IL1RAPL2: variants seen among roughly 807,000 people sequenced by gnomAD.
IL1RAPL2 encodes the protein X-linked interleukin-1 receptor accessory protein-like 2.
Under a neutral mutation model 44.1 loss-of-function variants are expected in IL1RAPL2, and 3 were observed. The ratio of observed to expected loss-of-function variants is 0.07; its 90% CI spans 0.03 to 0.18. IL1RAPL2 has a LOEUF of 0.18. Ranked by LOEUF, IL1RAPL2 falls within the 10% of genes least tolerant of loss-of-function variation. The pLI is 1.00. For synonymous variants in IL1RAPL2, 181 were observed against 178.8 expected (o/e 1.01, Z -0.10); for missense variants, 391 against 496.4 (o/e 0.79, Z 2.02).
At chrX:105,738,842 A>G (rs1415578242) in intron 7 of IL1RAPL2, among the ~76,000 whole-genome samples, 1 of 110,862 alleles carries the variant, frequency 9.0e-6, no homozygotes, top group Non-Finnish European at 1.9e-5. Context: ...CAGCTTTAAA[A>G]AAAGCAAGGC....
rs2038745779 is a variant in IL1RAPL2 at position 105,767,797 on chromosome X, A to C, written c.*136A>C. On this transcript the variant is annotated 3_prime_UTR_variant, in exon 11 of 11. Transcript: ENST00000372582. ...GTACAAAAATGGCTTTTATACTTAA[A>C]TATTTTTGTTTACATTTCCAGAATA... 1 of 473,855 alleles carries C rather than the reference A, an allele frequency of 2.1e-6. No individual in the cohort carries two copies. The highest frequency in any genetic ancestry group is 2.4e-5 in the African/African-American group (1 of 41,092). 39.1% of individuals were successfully genotyped at this position (473,855 alleles called of 1,213,427 possible).
At chrX:105,703,699 G>T (rs1305875238) in intron 6 of IL1RAPL2, among the ~76,000 whole-genome samples, 2 of 111,531 alleles carry the variant, frequency 1.8e-5, no homozygotes, top group South Asian at 3.8e-4. Flanking sequence ...ATTAGAGAAA[G>T]ATATGCAATG....
chrX:105,451,206 T>C (rs899738283), intron 5 of IL1RAPL2, among the ~76,000 whole-genome samples: 1 of 111,334 alleles, frequency 9.0e-6, no homozygotes, highest in Non-Finnish European at 1.9e-5. Flanking sequence ...ATTTCTCTTA[T>C]ATTTTGTTTA....
At chrX:105,660,914 G>A (rs1404289098) in intron 6 of IL1RAPL2, among the ~76,000 whole-genome samples, 1 of 110,987 alleles carries the variant, frequency 9.0e-6, no homozygotes, top group African/African-American at 3.3e-5. Context: ...AAAATGGCAG[G>A]AGTAAATCCT....
At chrX:105,215,232 A>G (rs1053424081) in intron 3 of IL1RAPL2, among the ~76,000 whole-genome samples, 3 of 112,211 alleles carry the variant, frequency 2.7e-5, no homozygotes, top group African/African-American at 9.7e-5. Context: ...AATGAAGAAG[A>G]AAAGAGAAGA....
chrX:104,804,658 G>C (rs1202010136), intron 2 of IL1RAPL2, among the ~76,000 whole-genome samples: 1 of 112,366 alleles, frequency 8.9e-6, no homozygotes, highest in East Asian at 2.8e-4. Context: ...GGAGGAGACA[G>C]TGAACAAACT....
At chrX:104,751,130 A>G (rs901556779) in intron 2 of IL1RAPL2, among the ~76,000 whole-genome samples, 14 of 111,810 alleles carry the variant, frequency 1.3e-4, no homozygotes, top group African/African-American at 4.2e-4. Flanking sequence ...TGGGAAGAAT[A>G]TAGAATTCCT....
chrX:105,123,529 A>C (rs2147573626), intron 2 of IL1RAPL2, among the ~76,000 whole-genome samples: 1 of 111,273 alleles, frequency 9.0e-6, no homozygotes, highest in African/African-American at 3.2e-5. Context: ...AATGAATCAA[A>C]CACATCTTCT....
At chrX:105,683,548 C>T (rs9887093) in intron 6 of IL1RAPL2, among the ~76,000 whole-genome samples, 35 of 60,428 alleles carry the variant, frequency 5.8e-4, no homozygotes, top group Middle Eastern at 0.011. Context: ...ATAGAACCTA[C>T]AAAAAAAAAA....
intron 5 of IL1RAPL2, among the ~76,000 whole-genome samples, chrX:105,333,156 A>G (rs2035000624): frequency 9.0e-6 from 1 of 111,666 alleles, no homozygotes; most frequent in Non-Finnish European, 1.9e-5. Context: ...TGGTACTGGC[A>G]TAAGAACAGA....
At chrX:104,647,607 A>G (rs762876315) in intron 1 of IL1RAPL2, 1 of 524,391 alleles carries the variant, frequency 1.9e-6, no homozygotes, top group Admixed American at 2.4e-5. Context: ...TCAAAGTGAG[A>G]CACCACCGAC....
chrX:105,366,530 G>T, intron 5 of IL1RAPL2, among the ~76,000 whole-genome samples: 1 of 110,417 alleles, frequency 9.1e-6, no homozygotes. Flanking sequence ...CATAAAGCTT[G>T]CTGTGTTGTT....
intron 2 of IL1RAPL2, among the ~76,000 whole-genome samples, chrX:105,025,210 C>T (rs931755779): frequency 1.8e-4 from 20 of 111,268 alleles, no homozygotes; most frequent in African/African-American, 6.5e-4. Context: ...GTTCTCCCTG[C>T]TTATTATCAC....
chrX:104,690,118 GA>G (rs891038775), intron 2 of IL1RAPL2, among the ~76,000 whole-genome samples: 1 of 112,097 alleles, frequency 8.9e-6, no homozygotes, highest in African/African-American at 3.2e-5. Context: ...TTGCTTTCAT[GA>G]AAAAAGTCTA....
chrX:104,589,777 A>C (rs1928629511), intron 1 of IL1RAPL2, among the ~76,000 whole-genome samples: 1 of 111,221 alleles, frequency 9.0e-6, no homozygotes, highest in South Asian at 3.8e-4. Context: ...TTGTGTCAGC[A>C]CTTTGTTTTG....
At chrX:104,889,188 A>G (rs908281926) in intron 2 of IL1RAPL2, among the ~76,000 whole-genome samples, 1 of 110,918 alleles carries the variant, frequency 9.0e-6, no homozygotes, top group African/African-American at 3.3e-5. Context: ...AATGGCAAAC[A>G]TACTCCCTGC....
chrX:105,267,238 AT>A, intron 4 of IL1RAPL2, 149 bp from the exon 5 acceptor site: 1 of 485,927 alleles, frequency 2.1e-6, no homozygotes, highest in Non-Finnish European at 3.5e-6. Flanking sequence ...CACATTTGTG[AT>A]TTTTCTTGGT....
intron 5 of IL1RAPL2, among the ~76,000 whole-genome samples, chrX:105,297,989 T>C (rs1032883302): frequency 5.4e-5 from 6 of 111,084 alleles, no homozygotes; most frequent in African/African-American, 2.0e-4. Context: ...ATTTTATTTT[T>C]AATTGACAAA....
At chrX:105,764,202 T>C (rs981901245) in intron 10 of IL1RAPL2, among the ~76,000 whole-genome samples, 1 of 111,542 alleles carries the variant, frequency 9.0e-6, no homozygotes, top group African/African-American at 3.3e-5. Context: ...TAGTGGGACC[T>C]GTACTGACAG....
Sources: gnomAD v4.1 joint callset for allele counts (sites outside exome capture counted in the v4.1 genomes callset) on GRCh38, gnomAD v4.1.1 for gene constraint, MANE v1.5 for transcripts, NCBI Gene and HGNC (gene_info 2026-07-23, HGNC 2026-07-21) for gene names.